Variants in CCDC57 observed in about 807,000 individuals in gnomAD.
CCDC57 encodes the protein coiled-coil domain containing 57.
Under a neutral mutation model 118.9 loss-of-function variants are expected in CCDC57, and 118 were observed. That is an observed-to-expected ratio of 0.99 (90% confidence interval 0.86 to 1.16). The LOEUF is 1.16. Ranked by LOEUF, CCDC57 falls within the 50% of genes most tolerant of loss-of-function variation. The pLI is 0.00. For missense variants in CCDC57, 1,300 were observed against 1,320.7 expected (o/e 0.98, Z 0.24); for synonymous variants, 527 against 532.9 (o/e 0.99, Z 0.15).
intron 17 of CCDC57, 51 bp downstream of exon 16, chr17:82,134,022 C>G: frequency 7.5e-7 from 1 of 1,326,190 alleles, no homozygotes; most frequent in Non-Finnish European, 9.7e-7. Context: ...GAAAACGACA[C>G]AATTAGGGAA....
In CCDC57 at chr17:82,142,853, T is replaced by C. The variant is rs185662494; in HGVS notation, c.2456-8659A>G. ...GAATTCTGAAATTCCCCCTAACAAGTAGCTCGTGAAATAGAAAAACAGCCC... is the reference window on the plus strand; with the variant it reads ...GAATTCTGAAATTCCCCCTAACAAGCAGCTCGTGAAATAGAAAAACAGCCC... On this transcript the variant is annotated intron_variant, in intron 16 of 19. Coordinates refer to ENST00000665763, the Ensembl canonical transcript of CCDC57. Among the ~76,000 whole-genome samples the C allele has an allele frequency of 7.9e-5, 12 of 152,244 alleles. No homozygotes were observed. The East Asian group carries it at 2.1e-3, about 27-fold the overall frequency.
At chr17:82,135,808 C>G (rs2039070174) in intron 16 of CCDC57, among the ~76,000 whole-genome samples, 1 of 86,264 alleles carries the variant, frequency 1.2e-5, no homozygotes. Context: ...ACCTGTAACC[C>G]CAGCACACTG....
chr17:82,199,477 CAA>C (rs55713414), intron 3 of CCDC57, among the ~76,000 whole-genome samples: 3 of 87,680 alleles, frequency 3.4e-5, no homozygotes, highest in Non-Finnish European at 6.5e-5. Flanking sequence ...GACTCTGTCT[CAA>C]AAAAAAAAAA....
rs377591355 is a variant in CCDC57 at position 82,210,442 on chromosome 17, C to T, written c.-211+2343G>A. Reference sequence around the variant, plus strand: ...ATCCCAGCACTTTCGGAGGCCAAGGCGGGCGGATCACTTGGGGTCAGCAGT... The same window carrying T: ...ATCCCAGCACTTTCGGAGGCCAAGGTGGGCGGATCACTTGGGGTCAGCAGT... On this transcript the variant is annotated intron_variant, in intron 1 of 19. Transcript: ENST00000665763. 7.3e-5 allele frequency among the ~76,000 whole-genome samples: 11 copies of T among 150,974 alleles called. No individual in the cohort carries two copies. The East Asian group carries it at 1.6e-3, about 21-fold the overall frequency.
intron 16 of CCDC57, among the ~76,000 whole-genome samples, chr17:82,149,303 T>A (rs1010613722): frequency 6.6e-6 from 1 of 151,230 alleles, no homozygotes; most frequent in African/African-American, 2.4e-5. Flanking sequence ...GGTGGTTGGA[T>A]AGATGGATGG....
intron 19 of CCDC57, among the ~76,000 whole-genome samples, chr17:82,123,982 CAA>C (rs200031813): frequency 3.9e-4 from 25 of 64,288 alleles, no homozygotes; most frequent in African/African-American, 1.2e-3. Flanking sequence ...CATCCAAAAG[CAA>C]AAAAAAAAAA....
In CCDC57 at chr17:82,162,450, C is replaced by G. The variant is rs1002449433; in HGVS notation, c.2040+750G>C. 4.9e-4 allele frequency among the ~76,000 whole-genome samples: 75 copies of G among 152,358 alleles called. 1 individual carries two copies. The highest frequency in any genetic ancestry group is 1.7e-3 in the African/African-American group (72 of 41,582). ...CCCAGCAGGAGTAGGACCCGACCCC[C>G]AAAAGGCAAGGGCCCAGGAGGTTGA... On this transcript the variant is annotated intron_variant, in intron 14 of 19. Coordinates refer to ENST00000665763, the Ensembl canonical transcript of CCDC57.
At chr17:82,193,957 C>T in intron 6 of CCDC57, 25 bp downstream of exon 5, 1 of 1,598,820 alleles carries the variant, frequency 6.3e-7, no homozygotes, top group East Asian at 2.2e-5. Context: ...CAGAGCACGC[C>T]TCGGGAGATG....
At chr17:82,136,810 T>C (rs1208056742) in intron 16 of CCDC57, among the ~76,000 whole-genome samples, 1 of 152,054 alleles carries the variant, frequency 6.6e-6, no homozygotes, top group East Asian at 1.9e-4. Flanking sequence ...CTCAAACTCC[T>C]AGCCTCAAGT....
chr17:82,145,130 C>T (rs1375438340), intron 16 of CCDC57, among the ~76,000 whole-genome samples: 7 of 150,798 alleles, frequency 4.6e-5, no homozygotes, highest in Non-Finnish European at 8.9e-5. Flanking sequence ...TCGAGATTCT[C>T]CTGCCTCAGC....
Position 82,127,776 on chromosome 17 carries a change from T to G in CCDC57, c.2815A>C (p.Ser939Arg), listed in dbSNP as rs749844215. The change falls in exon 19 of 20, where the codon AGT (serine) becomes CGT (arginine). Residue 939 changes from serine (S) to arginine (R), a missense_variant. Ser to Arg is a moderately radical substitution (Grantham distance 110). Coordinates refer to ENST00000665763, the Ensembl canonical transcript of CCDC57. ...CTCCACATGTCCTGGAGGGTGCCAC[T>G]GGCAAAGGAGGAGGAGCTGTGGGAT... 1.2e-6 allele frequency: 2 copies of G among 1,612,988 alleles called. No homozygotes were observed.
In CCDC57 at chr17:82,198,576, C is replaced by G. The variant is rs1599412871; in HGVS notation, c.408-154G>C. ...CACGGGGTAGCAGAACTTCCAGCCC[C>G]ACCTGGACCAGCATGCTACACCCAT... On this transcript the variant is annotated intron_variant, in intron 3 of 19. Coordinates refer to ENST00000665763, the Ensembl canonical transcript of CCDC57. The G allele has an allele frequency of 1.8e-5, 11 of 595,270 alleles. No homozygotes were observed. In the East Asian group the frequency reaches 3.2e-4, roughly 17 times the overall value. 36.9% of individuals were successfully genotyped at this position (595,270 alleles called of 1,614,324 possible). A position where few individuals can be genotyped will look rare whatever the true frequency, so the allele number is the denominator to read the frequency against.
chr17:82,138,477 G>T, intron 16 of CCDC57, among the ~76,000 whole-genome samples: 1 of 152,008 alleles, frequency 6.6e-6, no homozygotes, highest in East Asian at 1.9e-4. Context: ...AGCCAAGGAG[G>T]TCAAGGCTGC....
chr17:82,170,184 C>T (rs1197922317), intron 13 of CCDC57, among the ~76,000 whole-genome samples: 2 of 152,090 alleles, frequency 1.3e-5, no homozygotes, highest in African/African-American at 4.8e-5. Context: ...ACATGAGGTC[C>T]TAAGGCTGGG....
chr17:82,158,108 C>T (rs1010233425), intron 14 of CCDC57, among the ~76,000 whole-genome samples, 160 bp from the exon 14 acceptor site: 3 of 152,160 alleles, frequency 2.0e-5, no homozygotes, highest in Admixed American at 2.0e-4. Context: ...CAGCCCTCTG[C>T]CCCCAACCAC....
chr17:82,172,575 C>T lies in CCDC57; in HGVS notation c.1729+63G>A, dbSNP rs2044881968. 3.2e-5 allele frequency: 45 copies of T among 1,407,006 alleles called. No individual in the cohort carries two copies. Among genetic ancestry groups the T allele is most frequent in the Non-Finnish European group, 4.4e-5 (45 of 1,018,458 alleles). The allele number at this position is 1,407,006 out of a possible 1,614,324, so 87.2% of individuals were successfully genotyped here. A position where few individuals can be genotyped will look rare whatever the true frequency, so the allele number is the denominator to read the frequency against. On this transcript the variant is annotated intron_variant, in intron 12 of 19. Coordinates refer to ENST00000665763, the Ensembl canonical transcript of CCDC57. This position sits in a 1 kb window ranked among gnomAD's most constrained non-coding sequence, Gnocchi z 5.2. ...AGCCAGTCAAGACCCATGCTCCCGT[C>T]TGTCCTCCTCCCTCCCTCTCCCCCT...
At chr17:82,205,450 G>A (rs1244007499) in intron 2 of CCDC57, among the ~76,000 whole-genome samples, 5 of 152,168 alleles carry the variant, frequency 3.3e-5, no homozygotes, top group African/African-American at 7.2e-5. Context: ...AATAAAGTCC[G>A]ATCTCCTTGG....
chr17:82,171,700 C>A lies in CCDC57; in HGVS notation c.1882+1G>T. ...AGTACCCCACTGAGACGCGGACTTACCAGTCGTCTCTGTCGAGGTGCGGAC... is the reference window on the plus strand; with the variant it reads ...AGTACCCCACTGAGACGCGGACTTAACAGTCGTCTCTGTCGAGGTGCGGAC... On this transcript the variant is annotated splice_donor_variant, in intron 13 of 19. Transcript: ENST00000665763. LOFTEE classifies it high-confidence loss of function. The A allele has an allele frequency of 6.2e-7, 1 of 1,609,724 alleles. No individual in the cohort carries two copies. The highest frequency in any genetic ancestry group is 8.5e-7 in the Non-Finnish European group (1 of 1,176,254).
chr17:82,171,913 C>G, intron 12 of CCDC57, 60 bp from the exon 12 acceptor site: 1 of 1,564,412 alleles, frequency 6.4e-7, no homozygotes, highest in East Asian at 2.3e-5. Flanking sequence ...CACCTCCCTC[C>G]TGTGAGCACC....
Sources: gnomAD v4.1 joint callset for allele counts (sites outside exome capture counted in the v4.1 genomes callset) on GRCh38, gnomAD v4.1.1 for gene constraint, Gnocchi (gnomAD v3.1) non-coding constraint, MANE v1.5 for transcripts, NCBI Gene and HGNC (gene_info 2026-07-23, HGNC 2026-07-21) for gene names.